Variants in SH3GL2 observed in about 807,000 individuals in gnomAD.
SH3GL2 encodes the protein endophilin-A1.
Under a neutral mutation model 46.0 loss-of-function variants are expected in SH3GL2, and 24 were observed. That is an observed-to-expected ratio of 0.52 (90% CI 0.38 to 0.73). SH3GL2 has a LOEUF of 0.73. Among genes scored for constraint, SH3GL2 ranks in the 30% least tolerant of loss-of-function variants. The pLI is 0.00. For missense variants in SH3GL2, 413 were observed against 424.2 expected (o/e 0.97, Z 0.23); for synonymous variants, 196 against 147.1 (o/e 1.33, Z -2.40).
In SH3GL2 at chr9:17,584,100, A is replaced by C. The variant is rs142036367; in HGVS notation, c.45+4813A>C. ...TGCAAGGGGCCTATATATTTTATAA[A>C]ATTATAAGTAACATTTTATACATGC... is the stretch of plus-strand genomic sequence containing the variant. On this transcript the variant is annotated intron_variant, in intron 1 of 8. Coordinates refer to ENST00000380607, the MANE Select transcript of SH3GL2 (RefSeq NM_003026.5). Among the ~76,000 whole-genome samples, 9 of 152,274 alleles carry C rather than the reference A, an allele frequency of 5.9e-5. No individual in the cohort carries two copies. The East Asian group carries it at 1.7e-3, about 29-fold the overall frequency.
intron 1 of SH3GL2, among the ~76,000 whole-genome samples, chr9:17,623,719 C>G (rs1819211748): frequency 6.9e-6 from 1 of 145,526 alleles, no homozygotes; most frequent in Non-Finnish European, 1.5e-5. Flanking sequence ...CACACACACA[C>G]ACACACACAC....
intron 1 of SH3GL2, among the ~76,000 whole-genome samples, chr9:17,703,987 G>A (rs953654297): frequency 6.6e-6 from 1 of 152,090 alleles, no homozygotes; most frequent in Non-Finnish European, 1.5e-5. Context: ...GATAGGCAGA[G>A]AGGAAGTCAA....
In SH3GL2 at chr9:17,678,903, T is replaced by G. The variant is rs553961195; in HGVS notation, c.46-68163T>G. On this transcript the variant is annotated intron_variant, in intron 1 of 8. Transcript: ENST00000380607. The stretch of plus-strand genomic sequence containing the variant: ...TTAAATAGGGAATCCTTTCCCCATT[T>G]CTTGTTTTTGTCAGATTTGTCAAAG... Among the ~76,000 whole-genome samples the G allele has an allele frequency of 2.5e-3, 378 of 152,230 alleles. 2 individuals carry two copies. Among genetic ancestry groups the G allele is most frequent in the Non-Finnish European group, 4.5e-3 (304 of 68,012 alleles).
chr9:17,670,432 A>T (rs1259935127), intron 1 of SH3GL2, among the ~76,000 whole-genome samples: 1 of 152,206 alleles, frequency 6.6e-6, no homozygotes, highest in African/African-American at 2.4e-5. Flanking sequence ...ATGTTTAGTT[A>T]TATAAGAAAC....
At chr9:17,658,624 A>G (rs1043856808) in intron 1 of SH3GL2, among the ~76,000 whole-genome samples, 1 of 152,246 alleles carries the variant, frequency 6.6e-6, no homozygotes, top group Non-Finnish European at 1.5e-5. Flanking sequence ...CTTAAACTAG[A>G]TGTTTATTCG....
intron 1 of SH3GL2, among the ~76,000 whole-genome samples, chr9:17,657,573 C>T (rs1251084540): frequency 1.3e-5 from 2 of 152,098 alleles, no homozygotes; most frequent in Admixed American, 6.5e-5. Context: ...GTAAAACTAC[C>T]CTGCCTCCCA....
intron 3 of SH3GL2, among the ~76,000 whole-genome samples, chr9:17,781,824 C>T (rs1823818237): frequency 6.6e-6 from 1 of 152,092 alleles, no homozygotes; most frequent in African/African-American, 2.4e-5. Context: ...CCAGCTCGAG[C>T]ATCATCTGTT....
At chr9:17,737,766 G>T (rs138518063) in intron 1 of SH3GL2, among the ~76,000 whole-genome samples, 2 of 152,028 alleles carry the variant, frequency 1.3e-5, no homozygotes, top group Non-Finnish European at 2.9e-5. Context: ...CCTTGACTCA[G>T]CTGTACTCTG....
intron 1 of SH3GL2, among the ~76,000 whole-genome samples, chr9:17,641,830 C>T (rs189896844): frequency 3.0e-4 from 44 of 148,482 alleles, no homozygotes; most frequent in Non-Finnish European, 5.2e-4. Context: ...TTTCTTTATC[C>T]AGTCTATCAC....
intron 2 of SH3GL2, among the ~76,000 whole-genome samples, chr9:17,758,577 A>AAAAAAAAAAAAAG (rs1823075360): frequency 7.4e-6 from 1 of 134,466 alleles, no homozygotes; most frequent in African/African-American, 3.5e-5. Flanking sequence ...AAAAAAAAAA[A>AAAAAAAAAAAAAG]AAAAAAAAAA....
intron 3 of SH3GL2, among the ~76,000 whole-genome samples, chr9:17,764,109 C>T (rs1456063516): frequency 6.6e-6 from 1 of 152,148 alleles, no homozygotes; most frequent in Non-Finnish European, 1.5e-5. Flanking sequence ...GTTGAATGGA[C>T]ATCTGCCACT....
At chr9:17,671,340 T>A (rs1296121710) in intron 1 of SH3GL2, among the ~76,000 whole-genome samples, 1 of 152,196 alleles carries the variant, frequency 6.6e-6, no homozygotes, top group Non-Finnish European at 1.5e-5. Flanking sequence ...TTTTCTAAAA[T>A]TCTATATTTA....
chr9:17,751,973 A>C (rs1822861137), intron 2 of SH3GL2, among the ~76,000 whole-genome samples: 1 of 152,212 alleles, frequency 6.6e-6, no homozygotes, highest in African/African-American at 2.4e-5. Context: ...ACATGTTTGC[A>C]ATATATAGTT....
intron 1 of SH3GL2, among the ~76,000 whole-genome samples, chr9:17,664,428 C>T (rs76202127): frequency 6.6e-6 from 1 of 151,988 alleles, no homozygotes; most frequent in Non-Finnish European, 1.5e-5. Context: ...TGGAGATGCA[C>T]TCACAACTTT....
rs1377253308 is a variant in SH3GL2, at chr9:17,761,422, A to G, written c.115-15A>G. The stretch of plus-strand genomic sequence containing the variant: ...ATCATTTTTGTCATTTAGAGCACTT[A>G]TTTTCTCATTTCAGAAAGTGGATGT... On this transcript the variant is annotated splice_polypyrimidine_tract_variant and intron_variant, in intron 2 of 8. Coordinates refer to ENST00000380607, the MANE Select transcript of SH3GL2 (RefSeq NM_003026.5). 33 of 1,563,446 alleles carry G rather than the reference A, an allele frequency of 2.1e-5. No homozygotes were observed. Among genetic ancestry groups the G allele is most frequent in the Non-Finnish European group, 2.8e-5 (32 of 1,133,916 alleles).
chr9:17,702,293 ATC>A (rs1283680784), intron 1 of SH3GL2, among the ~76,000 whole-genome samples: 2 of 152,132 alleles, frequency 1.3e-5, no homozygotes, highest in Non-Finnish European at 2.9e-5. Flanking sequence ...AATGAATGAA[ATC>A]ATAAAAATCA....
At chr9:17,623,573 A>C in intron 1 of SH3GL2, among the ~76,000 whole-genome samples, 1 of 152,290 alleles carries the variant, frequency 6.6e-6, no homozygotes, top group East Asian at 1.9e-4. Flanking sequence ...TGAAGGTTCA[A>C]TATGTTTTTT....
At chr9:17,696,208 C>CA (rs958281715) in intron 1 of SH3GL2, among the ~76,000 whole-genome samples, 11 of 152,122 alleles carry the variant, frequency 7.2e-5, no homozygotes, top group Admixed American at 6.5e-4. Flanking sequence ...TTAAAGAGAA[C>CA]ATTTTTAAAA....
chr9:17,746,986 T>C (rs574186433), intron 1 of SH3GL2, 80 bp from the exon 2 acceptor site: 2 of 923,542 alleles, frequency 2.2e-6, no homozygotes, highest in African/African-American at 3.3e-5. Flanking sequence ...AGATGACATT[T>C]GTGAAAGTGC....
Sources: gnomAD v4.1 joint callset for allele counts (sites outside exome capture counted in the v4.1 genomes callset) on GRCh38, gnomAD v4.1.1 for gene constraint, MANE v1.5 for transcripts, NCBI Gene and HGNC (gene_info 2026-07-23, HGNC 2026-07-21) for gene names.